Variants in GOLM2 observed in about 807,000 individuals in gnomAD.
GOLM2 encodes protein GOLM2.
A neutral mutation model predicts 55.9 loss-of-function variants in GOLM2; 26 were observed. The observed-to-expected ratio is 0.47, with a 90% CI of 0.34 to 0.65. The LOEUF is 0.65. GOLM2 is among the 30% of genes least tolerant of loss of function. The probability of loss-of-function intolerance (pLI) is 0.01; values close to 1 mark genes in which losing one functional copy is unlikely to be tolerated. For synonymous variants in GOLM2, 165 were observed against 194.6 expected (o/e 0.85, Z 1.27); for missense variants, 486 against 531.8 (o/e 0.91, Z 0.85).
At chr15:44,311,072 G>A (rs1270246060) in intron 1 of GOLM2, among the ~76,000 whole-genome samples, 2 of 151,948 alleles carry the variant, frequency 1.3e-5, no homozygotes, top group Non-Finnish European at 2.9e-5. Flanking sequence ...TACATACCTG[G>A]AAAAGTTCTT....
At chr15:44,371,983 C>T (rs1192042936) in intron 6 of GOLM2, among the ~76,000 whole-genome samples, 1 of 152,142 alleles carries the variant, frequency 6.6e-6, no homozygotes, top group African/African-American at 2.4e-5. Context: ...TTAGTCCCCA[C>T]ATTGATCATG....
chr15:44,309,348 A>C (rs977919225), intron 1 of GOLM2, among the ~76,000 whole-genome samples: 6 of 152,248 alleles, frequency 3.9e-5, no homozygotes, highest in Non-Finnish European at 7.3e-5. Context: ...CAAGGGGTAC[A>C]TAGTTTCAGT....
chr15:44,398,953 CCA>C (rs2079545605), intron 8 of GOLM2, among the ~76,000 whole-genome samples: 1 of 152,064 alleles, frequency 6.6e-6, no homozygotes. Flanking sequence ...CAGGCGTGAG[CCA>C]CCATGCCTGG....
intron 6 of GOLM2, among the ~76,000 whole-genome samples, chr15:44,378,710 G>A (rs1010552190): frequency 2.0e-5 from 3 of 151,972 alleles, no homozygotes; most frequent in African/African-American, 7.3e-5. Context: ...ATATAAAAAG[G>A]TCTCACTGTT....
At chr15:44,328,156 G>A (rs574249856) in intron 2 of GOLM2, among the ~76,000 whole-genome samples, 33 of 152,288 alleles carry the variant, frequency 2.2e-4, no homozygotes, top group Admixed American at 7.8e-4. Context: ...GGGTTGATGT[G>A]AAAGCCACTG....
chr15:44,368,064 A>G (rs1209765379), intron 6 of GOLM2, among the ~76,000 whole-genome samples: 1 of 152,052 alleles, frequency 6.6e-6, no homozygotes. Context: ...ATTTATTCAG[A>G]TCAAATATGC....
At chr15:44,385,063 C>A (rs2079433104) in intron 8 of GOLM2, among the ~76,000 whole-genome samples, 1 of 151,986 alleles carries the variant, frequency 6.6e-6, no homozygotes, top group Admixed American at 6.6e-5. Context: ...TGTATGGATA[C>A]ATTTTGTTTA....
At chr15:44,317,966 C>G (rs1567024118) in intron 1 of GOLM2, among the ~76,000 whole-genome samples, 1 of 152,126 alleles carries the variant, frequency 6.6e-6, no homozygotes, top group Non-Finnish European at 1.5e-5. Context: ...ATGTATTTAC[C>G]TCTCTTTTCT....
Position 44,288,906 on chromosome 15 carries a change from TA to T in GOLM2, c.-122del. ...CCTTCTCCGGCTCGCAGCCGACCGG[TA>T]AGCCCGCCTCCTCCCTCGGCCGGCC... is the stretch of plus-strand genomic sequence containing the variant. On this transcript the variant is annotated 5_prime_UTR_variant, in exon 1 of 10. Coordinates refer to ENST00000299957, the MANE Select transcript of GOLM2 (RefSeq NM_138423.4). 1.2e-6 allele frequency: 1 copy of T among 858,536 alleles called. No individual in the cohort carries two copies. Among genetic ancestry groups the T allele is most frequent in the Non-Finnish European group, 1.7e-6 (1 of 572,346 alleles). The allele number at this position is 858,536 out of a possible 1,614,324, so 53.2% of individuals were successfully genotyped here. A position where few individuals can be genotyped will look rare whatever the true frequency, so the allele number is the denominator to read the frequency against.
chr15:44,318,651 G>A (rs1344001104), intron 1 of GOLM2, among the ~76,000 whole-genome samples: 1 of 151,302 alleles, frequency 6.6e-6, no homozygotes, highest in African/African-American at 2.4e-5. Flanking sequence ...GGAGGTTGCA[G>A]CGAGCAGAGA....
intron 1 of GOLM2, among the ~76,000 whole-genome samples, chr15:44,316,156 A>C (rs1453301641): frequency 6.6e-6 from 1 of 152,230 alleles, no homozygotes; most frequent in East Asian, 1.9e-4. Flanking sequence ...TAAGAACTCC[A>C]ATTAATTTCT....
chr15:44,393,342 G>T (rs1417768819), intron 8 of GOLM2, among the ~76,000 whole-genome samples: 1 of 152,088 alleles, frequency 6.6e-6, no homozygotes, highest in East Asian at 1.9e-4. Context: ...ATTGTTCACA[G>T]AAATTAATTA....
At chr15:44,306,812 G>A (rs756198157) in intron 1 of GOLM2, among the ~76,000 whole-genome samples, 4 of 152,114 alleles carry the variant, frequency 2.6e-5, no homozygotes, top group East Asian at 1.9e-4. Context: ...TCCCGTTATC[G>A]TCTCCCCAAC....
intron 1 of GOLM2, among the ~76,000 whole-genome samples, chr15:44,294,585 G>T (rs756756282): frequency 2.0e-5 from 3 of 151,756 alleles, no homozygotes; most frequent in Non-Finnish European, 2.9e-5. Context: ...ATGGTGGTGC[G>T]CACCTGTAGT....
intron 1 of GOLM2, among the ~76,000 whole-genome samples, chr15:44,322,550 A>G (rs1477784762): frequency 6.6e-6 from 1 of 152,188 alleles, no homozygotes; most frequent in Non-Finnish European, 1.5e-5. Context: ...TTCCCTGTCT[A>G]CGAGGTCCTG....
At chr15:44,328,642 A>G (rs1457489729) in intron 2 of GOLM2, 43 bp from the exon 3 acceptor site, 5 of 1,358,196 alleles carry the variant, frequency 3.7e-6, no homozygotes, top group African/African-American at 2.9e-5. Flanking sequence ...AAGCATTACA[A>G]TGAGTGAACT....
rs2079404641 is a variant in GOLM2 at position 44,381,764 on chromosome 15, G to A, written c.1072+788G>A. 2.0e-5 allele frequency among the ~76,000 whole-genome samples: 3 copies of A among 152,042 alleles called. No individual in the cohort carries two copies. The South Asian group carries it at 6.2e-4, about 32-fold the overall frequency. On this transcript the variant is annotated intron_variant, in intron 8 of 9. Transcript: ENST00000299957. ...AAAGATTGCGTGTAAGCTAATAATT[G>A]AACAATGTTATATTTGTGAATTTAT...
chr15:44,292,995 G>A (rs2078731934), intron 1 of GOLM2, among the ~76,000 whole-genome samples: 1 of 151,926 alleles, frequency 6.6e-6, no homozygotes, highest in African/African-American at 2.4e-5. Flanking sequence ...TTTATTTTTT[G>A]GTAGAGATGA....
At chr15:44,351,026 T>G (rs2079158177) in intron 6 of GOLM2, among the ~76,000 whole-genome samples, 1 of 152,148 alleles carries the variant, frequency 6.6e-6, no homozygotes, top group South Asian at 2.1e-4. Flanking sequence ...AGTATCATAC[T>G]GAAGAGGGAA....
Sources: gnomAD v4.1 joint callset for allele counts (sites outside exome capture counted in the v4.1 genomes callset) on GRCh38, gnomAD v4.1.1 for gene constraint, MANE v1.5 for transcripts, NCBI Gene and HGNC (gene_info 2026-07-23, HGNC 2026-07-21) for gene names.